The following CCBE1 variants were observed in gnomAD, a reference collection of about 807,000 sequenced individuals.
The protein encoded by CCBE1 is collagen and calcium-binding EGF domain-containing protein 1.
Under a neutral mutation model 50.0 loss-of-function variants are expected in CCBE1, and 37 were observed. That is an observed-to-expected ratio of 0.74 (90% CI 0.57 to 0.97). The LOEUF (loss-of-function observed/expected upper bound fraction) is 0.97, where lower values mean the gene tolerates loss of function less well. Ranked by LOEUF, CCBE1 falls within the 50% of genes least tolerant of loss-of-function variation. The pLI, the probability that CCBE1 is intolerant of heterozygous loss-of-function variation, is 0.00. For synonymous variants in CCBE1, 234 were observed against 203.7 expected, an observed-to-expected ratio of 1.15 and a Z score of -1.27; for missense variants, 538 against 523.8, an observed-to-expected ratio of 1.03 and a Z score of -0.26.
At chr18:59,618,515 AC>A (rs1336945859) in intron 2 of CCBE1, among the ~76,000 whole-genome samples, 1 of 151,742 alleles carries the variant, frequency 6.6e-6, no homozygotes, top group African/African-American at 2.4e-5. Context: ...GCTTACTGCA[AC>A]CTCCATCTCT....
At chr18:59,635,403 AAT>A (rs1271149776) in intron 2 of CCBE1, among the ~76,000 whole-genome samples, 2 of 142,862 alleles carry the variant, frequency 1.4e-5, no homozygotes, top group Non-Finnish European at 3.0e-5. Context: ...GGAAAACTGA[AAT>A]AAGGGAAAAC....
intron 2 of CCBE1, among the ~76,000 whole-genome samples, chr18:59,687,528 C>T (rs566294915): frequency 6.6e-6 from 1 of 152,184 alleles, no homozygotes; most frequent in Non-Finnish European, 1.5e-5. Context: ...CTTTGTTTCT[C>T]TCACTTCAGA....
chr18:59,645,710 C>T (rs2054046250), intron 2 of CCBE1, among the ~76,000 whole-genome samples: 1 of 152,192 alleles, frequency 6.6e-6, no homozygotes, highest in East Asian at 1.9e-4. Flanking sequence ...TTCAGCCAGG[C>T]TTTGCTGCCC....
At chr18:59,548,403 C>G (rs1014616630) in intron 2 of CCBE1, among the ~76,000 whole-genome samples, 1 of 152,148 alleles carries the variant, frequency 6.6e-6, no homozygotes, top group African/African-American at 2.4e-5. Context: ...GATCTTCCAG[C>G]CTATGAAGGA....
intron 2 of CCBE1, among the ~76,000 whole-genome samples, chr18:59,509,179 C>T (rs907158585): frequency 6.6e-6 from 1 of 152,178 alleles, no homozygotes. Flanking sequence ...GACTGAGAAA[C>T]TGGCCACAGA....
intron 2 of CCBE1, among the ~76,000 whole-genome samples, chr18:59,605,137 G>T (rs887285316): frequency 6.6e-6 from 1 of 152,224 alleles, no homozygotes; most frequent in African/African-American, 2.4e-5. Flanking sequence ...TGGTGGTTCT[G>T]CCCTAACAGA....
intron 2 of CCBE1, among the ~76,000 whole-genome samples, chr18:59,581,441 A>AG: frequency 6.7e-6 from 1 of 148,998 alleles, no homozygotes; most frequent in East Asian, 2.0e-4. Context: ...CTCCATCTCA[A>AG]AAAAAAAAAA....
At chr18:59,674,197 T>C (rs1237809330) in intron 2 of CCBE1, among the ~76,000 whole-genome samples, 3 of 152,180 alleles carry the variant, frequency 2.0e-5, no homozygotes, top group Non-Finnish European at 4.4e-5. Context: ...GCAGCAGTAT[T>C]CACAATAGCA....
intron 3 of CCBE1, among the ~76,000 whole-genome samples, chr18:59,473,842 C>T (rs1020608465): frequency 6.0e-3 from 30 of 5,042 alleles, no homozygotes; most frequent in Admixed American, 9.5e-3. Flanking sequence ...TTCCAACCCT[C>T]CCACTATTTC....
chr18:59,683,121 G>A (rs969460056), intron 2 of CCBE1, among the ~76,000 whole-genome samples: 1 of 152,168 alleles, frequency 6.6e-6, no homozygotes, highest in African/African-American at 2.4e-5. Context: ...TCATCATGAA[G>A]GCAGTTTCTT....
intron 2 of CCBE1, among the ~76,000 whole-genome samples, chr18:59,564,754 G>C (rs1424003899): frequency 1.3e-5 from 2 of 152,206 alleles, no homozygotes; most frequent in African/African-American, 4.8e-5. Context: ...TATGAGGTTG[G>C]CTGGGGAAAG....
intron 2 of CCBE1, among the ~76,000 whole-genome samples, chr18:59,681,049 G>GAA (rs34876275): frequency 1.4e-4 from 12 of 85,448 alleles, no homozygotes; most frequent in Admixed American, 4.9e-4. Context: ...ATTTGGCTGA[G>GAA]AAAAAAAAAA....
chr18:59,460,883 G>A (rs933060406), intron 5 of CCBE1, among the ~76,000 whole-genome samples: 15 of 151,472 alleles, frequency 9.9e-5, no homozygotes, highest in East Asian at 5.8e-4. Context: ...TGCAGTGAGC[G>A]GATATCGCGC....
intron 2 of CCBE1, among the ~76,000 whole-genome samples, chr18:59,607,504 A>G (rs919406927): frequency 2.0e-5 from 3 of 152,204 alleles, no homozygotes; most frequent in Admixed American, 1.3e-4. Flanking sequence ...TAAAGATAAA[A>G]TTGTGAAGCA....
intron 2 of CCBE1, among the ~76,000 whole-genome samples, chr18:59,625,709 T>TA (rs5825355): frequency 0.37 from 55,755 of 151,936 alleles, 10,534 homozygotes; most frequent in East Asian, 0.6. Flanking sequence ...TCTGTAGTTC[T>TA]AAAATCAATC....
At chr18:59,656,127 A>G (rs2054186014) in intron 2 of CCBE1, among the ~76,000 whole-genome samples, 1 of 152,182 alleles carries the variant, frequency 6.6e-6, no homozygotes, top group Non-Finnish European at 1.5e-5. Flanking sequence ...AAGCCTCATG[A>G]TTACTCCCAA....
At chr18:59,588,876 C>T (rs1200144590) in intron 2 of CCBE1, among the ~76,000 whole-genome samples, 1 of 152,208 alleles carries the variant, frequency 6.6e-6, no homozygotes, top group Non-Finnish European at 1.5e-5. Flanking sequence ...CCTGATGCCC[C>T]CTCGGGAGGC....
At chr18:59,467,634 A>T (rs1356185972) in intron 4 of CCBE1, among the ~76,000 whole-genome samples, 2 of 152,136 alleles carry the variant, frequency 1.3e-5, no homozygotes, top group Non-Finnish European at 2.9e-5. Flanking sequence ...GGAAACAAAA[A>T]CGTTTCCCAC....
chr18:59,529,440 T>C (rs973849238), intron 2 of CCBE1, among the ~76,000 whole-genome samples: 2 of 152,256 alleles, frequency 1.3e-5, no homozygotes, highest in Non-Finnish European at 2.9e-5. Flanking sequence ...CAAGTGGCTA[T>C]GGAGAATCTG....
Sources: gnomAD v4.1 joint callset for allele counts (sites outside exome capture counted in the v4.1 genomes callset) on GRCh38, gnomAD v4.1.1 for gene constraint, MANE v1.5 for transcripts, NCBI Gene and HGNC (gene_info 2026-07-23, HGNC 2026-07-21) for gene names.